The following PPP1R17 variants were observed in gnomAD, a reference collection of about 807,000 sequenced individuals.
The protein encoded by PPP1R17 is protein phosphatase 1 regulatory subunit 17.
PPP1R17 carries 12 observed loss-of-function variants against 15.9 expected under a neutral mutation model. The ratio of observed to expected loss-of-function variants is 0.75; its 90% CI spans 0.48 to 1.22. PPP1R17 has a LOEUF of 1.22. Among genes scored for constraint, PPP1R17 ranks in the 50% most tolerant of loss-of-function variants. The probability of loss-of-function intolerance (pLI) is 0.00; values close to 1 mark genes in which losing one functional copy is unlikely to be tolerated. For synonymous variants in PPP1R17, 63 were observed against 64.5 expected, an observed-to-expected ratio of 0.98 and a Z score of 0.11; for missense variants, 211 against 187.3, an observed-to-expected ratio of 1.13 and a Z score of -0.74.
At chr7:31,696,210 T>C (rs1792576148) in intron 3 of PPP1R17, 1 of 152,266 alleles carries the variant, frequency 6.6e-6, no homozygotes, top group East Asian at 1.9e-4. Context: ...TTTTGCCTTG[T>C]TTTGCTTTCT....
chr7:31,699,687 G>A (rs114412896), intron 4 of PPP1R17, among the ~76,000 whole-genome samples: 4,443 of 151,824 alleles, frequency 0.029, 102 homozygotes, highest in Middle Eastern at 0.041. Flanking sequence ...CCTGCATCTA[G>A]CAAGTCTATT....
At chr7:31,706,920 T>C (rs1793092158) in intron 4 of PPP1R17, among the ~76,000 whole-genome samples, 1 of 152,234 alleles carries the variant, frequency 6.6e-6, no homozygotes. Flanking sequence ...CATCCCGCCA[T>C]GCTGCAAGCT....
At position 31,697,132 on chromosome 7, in the gene PPP1R17, G is replaced by A. The variant is rs758195828; in HGVS notation, c.388+15G>A. 2.5e-6 allele frequency: 4 copies of A among 1,613,030 alleles called. No individual in the cohort carries two copies. In the Admixed American group the frequency reaches 5.0e-5, roughly 20 times the overall value. On this transcript the variant is annotated intron_variant, in intron 4 of 4. Coordinates refer to ENST00000342032, the MANE Select transcript of PPP1R17 (RefSeq NM_006658.5). ...CTTTGCAGCAGGTAAAAAAGCTGGT[G>A]CAGGGCATTTGCAGGGGGTGATGGG...
chr7:31,691,467 A>C (rs1434366317), intron 1 of PPP1R17, among the ~76,000 whole-genome samples: 2 of 152,210 alleles, frequency 1.3e-5, no homozygotes, highest in African/African-American at 4.8e-5. Flanking sequence ...AAAAGAACTC[A>C]AGATACAGAA....
rs373093468 is a variant in PPP1R17, at chr7:31,688,005, T to C, written c.-37+699T>C. 1.3e-4 allele frequency among the ~76,000 whole-genome samples: 20 copies of C among 152,336 alleles called. No homozygotes were observed. In the East Asian group the frequency reaches 2.5e-3, roughly 19 times the overall value. ...TGGTTTTTGTCTTGAACTATTCTCA[T>C]CTCATTACCAGCTTCAGAGAAGGCC... is the stretch of plus-strand genomic sequence containing the variant. On this transcript the variant is annotated intron_variant, in intron 1 of 4. Coordinates refer to ENST00000342032, the MANE Select transcript of PPP1R17 (RefSeq NM_006658.5).
At chr7:31,695,115 A>T (rs1465210140) in intron 2 of PPP1R17, among the ~76,000 whole-genome samples, 1 of 151,048 alleles carries the variant, frequency 6.6e-6, no homozygotes, top group African/African-American at 2.4e-5. Context: ...TTGAGCAAAA[A>T]GAATGGAGGC....
At chr7:31,705,112 C>A (rs1220356741) in intron 4 of PPP1R17, among the ~76,000 whole-genome samples, 1 of 152,120 alleles carries the variant, frequency 6.6e-6, no homozygotes, top group East Asian at 1.9e-4. Context: ...AAATTATCTC[C>A]TGTGCTCTTG....
At chr7:31,694,915 T>C (rs982241744) in intron 2 of PPP1R17, among the ~76,000 whole-genome samples, 1 of 151,742 alleles carries the variant, frequency 6.6e-6, no homozygotes, top group African/African-American at 2.4e-5. Context: ...GATGGGCAAA[T>C]AGGAGGGTTA....
intron 4 of PPP1R17, among the ~76,000 whole-genome samples, chr7:31,697,636 G>C (rs1792654301): frequency 6.6e-6 from 1 of 152,192 alleles, no homozygotes; most frequent in Admixed American, 6.5e-5. Context: ...TACAGTCCTT[G>C]TCTCTGAGAA....
intron 1 of PPP1R17, 131 bp from the exon 2 acceptor site, chr7:31,692,275 G>C (rs1792388450): frequency 1.8e-6 from 1 of 569,424 alleles, no homozygotes; most frequent in Non-Finnish European, 3.0e-6. Context: ...AGTTTAAGAA[G>C]CACACATAAA....
intron 2 of PPP1R17, among the ~76,000 whole-genome samples, chr7:31,693,895 A>G (rs1227109537): frequency 6.6e-6 from 1 of 152,226 alleles, no homozygotes; most frequent in Non-Finnish European, 1.5e-5. Context: ...ATTTCTCCAT[A>G]CTTATTCATA....
intron 1 of PPP1R17, among the ~76,000 whole-genome samples, chr7:31,691,239 C>T (rs1464955164): frequency 1.3e-5 from 2 of 152,174 alleles, no homozygotes; most frequent in Non-Finnish European, 2.9e-5. Context: ...GGAAGAGACC[C>T]TCCCACCTTT....
At chr7:31,704,908 A>G (rs1017284449) in intron 4 of PPP1R17, among the ~76,000 whole-genome samples, 3 of 152,162 alleles carry the variant, frequency 2.0e-5, no homozygotes, top group Admixed American at 1.3e-4. Flanking sequence ...AACCCAGGCC[A>G]TCTTCATGTC....
chr7:31,695,421 C>G, intron 2 of PPP1R17, 48 bp from the exon 3 acceptor site: 1 of 1,526,878 alleles, frequency 6.5e-7, no homozygotes, highest in African/African-American at 1.4e-5. Flanking sequence ...GTGACTGGAT[C>G]CTTAATCATG....
intron 4 of PPP1R17, among the ~76,000 whole-genome samples, chr7:31,698,566 AAGG>A (rs1792711421): frequency 1.3e-5 from 2 of 152,314 alleles, no homozygotes; most frequent in East Asian, 1.9e-4. Context: ...CTAAAAGTAC[AAGG>A]AGTTTAGGAC....
chr7:31,696,340 TAAC>T (rs76426877), intron 3 of PPP1R17, among the ~76,000 whole-genome samples: 19,606 of 152,046 alleles, frequency 0.13, 1,377 homozygotes, highest in East Asian at 0.23. Flanking sequence ...TTCTAAGAAA[TAAC>T]AACAGCACAT....
chr7:31,691,825 A>C (rs963749645), intron 1 of PPP1R17, among the ~76,000 whole-genome samples: 14 of 144,806 alleles, frequency 9.7e-5, no homozygotes, highest in Non-Finnish European at 2.0e-4. Flanking sequence ...AAAAAAAACC[A>C]AGCAAAAAAC....
At position 31,692,434 on chromosome 7, in the gene PPP1R17, C is replaced by G. The variant is rs771400006; in HGVS notation, c.-8C>G. On this transcript the variant is annotated 5_prime_UTR_variant, in exon 2 of 5. Transcript: ENST00000342032. Reference sequence around the variant, plus strand: ...TGGAGAAGAAATACATCCACCCACCCTCCTTTGATGATGTCCACTGAGCAA... The same window carrying G: ...TGGAGAAGAAATACATCCACCCACCGTCCTTTGATGATGTCCACTGAGCAA... 2 of 1,599,128 alleles carry G rather than the reference C, an allele frequency of 1.3e-6. No individual in the cohort carries two copies. Among genetic ancestry groups the G allele is most frequent in the East Asian group, 2.2e-5 (1 of 44,778 alleles).
At chr7:31,688,311 C>T (rs769120139) in intron 1 of PPP1R17, among the ~76,000 whole-genome samples, 4 of 152,218 alleles carry the variant, frequency 2.6e-5, no homozygotes, top group African/African-American at 4.8e-5. Flanking sequence ...AGCAGCCAAA[C>T]GTTGGCTTCT....
Sources: allele counts gnomAD v4.1 joint callset (sites outside exome capture counted in the v4.1 genomes callset), GRCh38; gene constraint gnomAD v4.1.1; transcripts MANE v1.5; gene names NCBI Gene and HGNC (gene_info 2026-07-23, HGNC 2026-07-21).